The following CTNNBL1 variants were observed in gnomAD, a reference collection of about 807,000 sequenced individuals.
The protein encoded by CTNNBL1 is beta-catenin-like protein 1.
Under a neutral mutation model 72.7 loss-of-function variants are expected in CTNNBL1, and 31 were observed. The ratio of observed to expected loss-of-function variants is 0.43; its 90% CI spans 0.32 to 0.58. CTNNBL1 has a LOEUF of 0.58. Among genes scored for constraint, CTNNBL1 ranks in the 20% least tolerant of loss-of-function variants. The probability of loss-of-function intolerance (pLI) is 0.08; values close to 1 mark genes in which losing one functional copy is unlikely to be tolerated. For missense variants in CTNNBL1, 534 were observed against 725.1 expected (o/e 0.74, Z 3.03); for synonymous variants, 240 against 267.3 (o/e 0.90, Z 1.00).
intron 1 of CTNNBL1, among the ~76,000 whole-genome samples, chr20:37,703,635 A>G (rs2072861932): frequency 6.6e-6 from 1 of 152,182 alleles, no homozygotes; most frequent in Non-Finnish European, 1.5e-5. Context: ...ATGTTCAGAT[A>G]TCACATAATT....
intron 1 of CTNNBL1, among the ~76,000 whole-genome samples, chr20:37,731,660 G>T (rs2073130027): frequency 6.6e-6 from 1 of 152,178 alleles, no homozygotes; most frequent in African/African-American, 2.4e-5. Context: ...ATACAAGTGA[G>T]ATTACGAGGT....
chr20:37,708,083 A>C (rs530578288), intron 1 of CTNNBL1, among the ~76,000 whole-genome samples: 1 of 152,348 alleles, frequency 6.6e-6, no homozygotes, highest in East Asian at 1.9e-4. Context: ...TTACCATAGC[A>C]GATATGATAA....
At chr20:37,853,894 C>A (rs1422404550) in intron 13 of CTNNBL1, among the ~76,000 whole-genome samples, 2 of 152,218 alleles carry the variant, frequency 1.3e-5, no homozygotes, top group Non-Finnish European at 2.9e-5. Context: ...GCTATTCTGA[C>A]AACAGTCAAC....
At position 37,733,072 on chromosome 20, in the gene CTNNBL1, C is replaced by T. The variant is rs755606494; in HGVS notation, c.219+5C>T. ...GGGGAAGAGGAAGAGGAAGAGGTAA[C>T]GTGGCAGCGCTGGGTGGGAGCTGAG... is the stretch of plus-strand genomic sequence containing the variant. On this transcript the variant is annotated splice_donor_5th_base_variant and intron_variant, in intron 2 of 15. Coordinates refer to ENST00000361383, the MANE Select transcript of CTNNBL1 (RefSeq NM_030877.5). 55 of 1,610,774 alleles carry T rather than the reference C, an allele frequency of 3.4e-5. No individual in the cohort carries two copies. Among genetic ancestry groups the T allele is most frequent in the Non-Finnish European group, 4.3e-5 (51 of 1,178,846 alleles).
At chr20:37,756,152 C>T (rs1260561380) in intron 4 of CTNNBL1, 1 of 152,244 alleles carries the variant, frequency 6.6e-6, no homozygotes, top group Non-Finnish European at 1.5e-5. Context: ...AATTCCCCAG[C>T]TCCATCTGAT....
At chr20:37,705,574 C>T (rs2072878420) in intron 1 of CTNNBL1, among the ~76,000 whole-genome samples, 1 of 152,094 alleles carries the variant, frequency 6.6e-6, no homozygotes, top group Non-Finnish European at 1.5e-5. Flanking sequence ...CAGTTTGTTA[C>T]CCACACATGC....
intron 11 of CTNNBL1, among the ~76,000 whole-genome samples, chr20:37,833,887 C>T (rs1042881769): frequency 2.0e-5 from 3 of 152,214 alleles, no homozygotes; most frequent in Non-Finnish European, 4.4e-5. Flanking sequence ...TAATGAAACT[C>T]GGTGTGTGTA....
chr20:37,732,150 C>T (rs1423800889), intron 1 of CTNNBL1, among the ~76,000 whole-genome samples: 1 of 152,152 alleles, frequency 6.6e-6, no homozygotes, highest in African/African-American at 2.4e-5. Flanking sequence ...TTGCATTTCC[C>T]TGATGATTAG....
At chr20:37,777,522 C>G (rs1288689326) in intron 8 of CTNNBL1, 105 bp downstream of exon 8, 2 of 1,393,792 alleles carry the variant, frequency 1.4e-6, no homozygotes, top group Admixed American at 1.7e-5. Flanking sequence ...TGCTCTCCCT[C>G]TCACTCCCTG....
intron 11 of CTNNBL1, among the ~76,000 whole-genome samples, chr20:37,811,895 A>G (rs1190723869): frequency 2.0e-5 from 3 of 152,252 alleles, no homozygotes; most frequent in Non-Finnish European, 2.9e-5. Flanking sequence ...GGTGAGTTTC[A>G]GAGAGTTTGT....
At chr20:37,805,465 C>T (rs1299373982) in intron 11 of CTNNBL1, among the ~76,000 whole-genome samples, 1 of 146,272 alleles carries the variant, frequency 6.8e-6, no homozygotes, top group African/African-American at 2.6e-5. Flanking sequence ...GATGCGATCT[C>T]GGCTCACTGC....
intron 15 of CTNNBL1, among the ~76,000 whole-genome samples, chr20:37,869,861 C>T (rs1197223631): frequency 6.6e-6 from 1 of 152,118 alleles, no homozygotes; most frequent in Non-Finnish European, 1.5e-5. Context: ...ATTGCCTTTT[C>T]CTCTCTGGCT....
chr20:37,696,759 C>T (rs1238504460), intron 1 of CTNNBL1, among the ~76,000 whole-genome samples: 1 of 152,004 alleles, frequency 6.6e-6, no homozygotes, highest in Non-Finnish European at 1.5e-5. Flanking sequence ...AAATAATGTA[C>T]AGTACCTTAA....
chr20:37,861,964 A>C (rs2072495050), intron 15 of CTNNBL1, among the ~76,000 whole-genome samples: 1 of 152,220 alleles, frequency 6.6e-6, no homozygotes, highest in African/African-American at 2.4e-5. Context: ...AAGAAACAGC[A>C]GTGTGAGTGA....
intron 4 of CTNNBL1, among the ~76,000 whole-genome samples, chr20:37,754,274 T>C (rs944218722): frequency 6.6e-6 from 1 of 150,980 alleles, no homozygotes; most frequent in Non-Finnish European, 1.5e-5. Context: ...TATGTATTTA[T>C]TTATTTGCTT....
intron 1 of CTNNBL1, among the ~76,000 whole-genome samples, chr20:37,698,330 C>A (rs1465140450): frequency 1.3e-5 from 2 of 152,220 alleles, no homozygotes; most frequent in African/African-American, 4.8e-5. Flanking sequence ...CCTTCCCCAT[C>A]GCAGGTTCCC....
chr20:37,758,739 G>A (rs921310548), intron 5 of CTNNBL1, among the ~76,000 whole-genome samples: 1 of 152,164 alleles, frequency 6.6e-6, no homozygotes, highest in Non-Finnish European at 1.5e-5. Flanking sequence ...TTTCTCTCTG[G>A]TAAGAATGTT....
At chr20:37,855,222 A>G (rs2072429660) in intron 13 of CTNNBL1, among the ~76,000 whole-genome samples, 1 of 149,522 alleles carries the variant, frequency 6.7e-6, no homozygotes, top group African/African-American at 2.5e-5. Flanking sequence ...GCATGCTCTT[A>G]TCTCCTCTGC....
chr20:37,737,193 C>T lies in CTNNBL1; in HGVS notation c.220-185C>T, dbSNP rs1404633545. 3.9e-5 allele frequency among the ~76,000 whole-genome samples: 6 copies of T among 152,088 alleles called. No homozygotes were observed. The East Asian group carries it at 7.7e-4, about 20-fold the overall frequency. On this transcript the variant is annotated intron_variant, in intron 2 of 15. Transcript: ENST00000361383. Reference sequence around the variant, plus strand: ...GAGCTGAGATCATACCACTGTACTCCAGCCTGGGCGACAGAGCAAGACTCC... The same window carrying T: ...GAGCTGAGATCATACCACTGTACTCTAGCCTGGGCGACAGAGCAAGACTCC...
Sources: gnomAD v4.1 joint callset for allele counts (sites outside exome capture counted in the v4.1 genomes callset) on GRCh38, gnomAD v4.1.1 for gene constraint, MANE v1.5 for transcripts, NCBI Gene and HGNC (gene_info 2026-07-23, HGNC 2026-07-21) for gene names.